Variants in ULK4 observed in about 807,000 individuals in gnomAD.
The protein encoded by ULK4 is inactive serine/threonine-protein kinase ULK4.
A neutral mutation model predicts 160.6 loss-of-function variants in ULK4; 133 were observed. The ratio of observed to expected loss-of-function variants is 0.83; its 90% CI spans 0.72 to 0.96. The LOEUF (loss-of-function observed/expected upper bound fraction) is 0.96, where lower values mean the gene tolerates loss of function less well. ULK4 is among the 40% of genes least tolerant of loss of function. The pLI is 0.00. For synonymous variants in ULK4, 534 were observed against 539.8 expected (o/e 0.99, Z 0.15); for missense variants, 1,580 against 1,499.5 (o/e 1.05, Z -0.89).
intron 31 of ULK4, among the ~76,000 whole-genome samples, chr3:41,614,460 A>G (rs950649605): frequency 6.6e-6 from 1 of 152,246 alleles, no homozygotes; most frequent in African/African-American, 2.4e-5. Context: ...AGATACACAT[A>G]TCCATATCAC....
chr3:41,748,695 T>C (rs2038505395), intron 22 of ULK4, among the ~76,000 whole-genome samples: 1 of 152,186 alleles, frequency 6.6e-6, no homozygotes, highest in Non-Finnish European at 1.5e-5. Flanking sequence ...AAATTATCAC[T>C]CTTGTAATTT....
chr3:41,348,366 GAACA>G (rs1288195138), intron 35 of ULK4, among the ~76,000 whole-genome samples: 1 of 152,128 alleles, frequency 6.6e-6, no homozygotes, highest in Non-Finnish European at 1.5e-5. Context: ...GTGTACTGGG[GAACA>G]AGGTAAAGGC....
At chr3:41,307,529 C>T (rs768136706) in intron 35 of ULK4, among the ~76,000 whole-genome samples, 1 of 152,116 alleles carries the variant, frequency 6.6e-6, no homozygotes. Context: ...CATCCCCCTA[C>T]AAATAAAGCT....
chr3:41,956,137 G>A (rs1456563370), intron 1 of ULK4, among the ~76,000 whole-genome samples: 1 of 152,218 alleles, frequency 6.6e-6, no homozygotes, highest in Non-Finnish European at 1.5e-5. Context: ...CAATCAGACT[G>A]ATTGGGGCGT....
At chr3:41,864,423 A>AC (rs1233368864) in intron 17 of ULK4, among the ~76,000 whole-genome samples, 3 of 151,866 alleles carry the variant, frequency 2.0e-5, no homozygotes, top group African/African-American at 7.3e-5. Context: ...TGAGATTAAA[A>AC]CCCGGTACTA....
Position 41,869,980 on chromosome 3 carries a change from T to C in ULK4, c.1656+13894A>G, listed in dbSNP as rs577223479. Among the ~76,000 whole-genome samples the C allele has an allele frequency of 3.3e-5, 5 of 152,332 alleles. No individual in the cohort carries two copies. In the South Asian group the frequency reaches 6.2e-4, roughly 19 times the overall value. ...ACAGTATTTTCACAAAATACAGAATTCTGGGATAGCAGATTTTTTTCTTTG... is the reference window on the plus strand; with the variant it reads ...ACAGTATTTTCACAAAATACAGAATCCTGGGATAGCAGATTTTTTTCTTTG... On this transcript the variant is annotated intron_variant, in intron 17 of 36. Transcript: ENST00000301831.
At chr3:41,383,283 G>A (rs763565680) in intron 35 of ULK4, among the ~76,000 whole-genome samples, 1 of 152,016 alleles carries the variant, frequency 6.6e-6, no homozygotes, top group African/African-American at 2.4e-5. Flanking sequence ...ATTTTAAGTG[G>A]AGACAGGTTT....
At chr3:41,924,210 T>C (rs550824611) in intron 5 of ULK4, among the ~76,000 whole-genome samples, 68 of 152,306 alleles carry the variant, frequency 4.5e-4, no homozygotes, top group Middle Eastern at 3.4e-3. Context: ...CCTACTCAAA[T>C]ATGTCAAAAG....
chr3:41,943,496 A>T (rs1047507550), intron 2 of ULK4, among the ~76,000 whole-genome samples: 3 of 152,164 alleles, frequency 2.0e-5, no homozygotes, highest in African/African-American at 7.2e-5. Flanking sequence ...CAGCTACTCA[A>T]GCAGGTAAAG....
chr3:41,455,513 C>T lies in ULK4; in HGVS notation c.3476G>A (p.Ser1159Asn), dbSNP rs1270298735. Residue 1159 changes from serine (S) to asparagine (N), a missense_variant, in exon 34 of 37, where the codon AGC becomes AAC. Transcript: ENST00000301831. ...LLNRPLTDLI[S>N]LLIPLLPNED... ...AGCTCTTACCAGTGGAATGAGCAGG[C>T]TAATCAGGTCTGTCAGAGGTCTGTT... The T allele has an allele frequency of 1.2e-6, 2 of 1,613,978 alleles. No homozygotes were observed. The highest frequency in any genetic ancestry group is 1.1e-5 in the South Asian group (1 of 91,086).
intron 35 of ULK4, among the ~76,000 whole-genome samples, chr3:41,264,176 G>T (rs532342832): frequency 1.3e-5 from 2 of 152,310 alleles, no homozygotes; most frequent in South Asian, 4.1e-4. Context: ...GGCCTGAAGT[G>T]GGAACAGGTG....
At position 41,932,250 on chromosome 3, in the gene ULK4, T is replaced by C. The variant is rs574458522; in HGVS notation, c.379-244A>G. 7.9e-5 allele frequency among the ~76,000 whole-genome samples: 12 copies of C among 152,304 alleles called. No homozygotes were observed. In the East Asian group the frequency reaches 2.1e-3, roughly 27 times the overall value. On this transcript the variant is annotated intron_variant, in intron 4 of 36. Coordinates refer to ENST00000301831, the MANE Select transcript of ULK4 (RefSeq NM_017886.4). ...TAATGAACACATCATATAACCATAG[T>C]GGAAAACTTCAGGTTTGGGGAAAGA...
intron 22 of ULK4, among the ~76,000 whole-genome samples, chr3:41,732,472 A>T (rs1038434337): frequency 6.6e-6 from 1 of 152,090 alleles, no homozygotes; most frequent in Non-Finnish European, 1.5e-5. Context: ...AATAATGACA[A>T]ATATTGGCAT....
At chr3:41,636,147 C>T (rs1410485750) in intron 30 of ULK4, among the ~76,000 whole-genome samples, 1 of 152,138 alleles carries the variant, frequency 6.6e-6, no homozygotes. Context: ...ACATGTATTA[C>T]CATTGCCTAC....
intron 17 of ULK4, chr3:41,859,461 T>G: frequency 1.8e-6 from 1 of 552,238 alleles, no homozygotes; most frequent in East Asian, 4.9e-5. Flanking sequence ...AGCAGAAACC[T>G]GGACAGGTCA....
chr3:41,636,032 C>A (rs1049239967), intron 30 of ULK4, among the ~76,000 whole-genome samples: 2 of 152,128 alleles, frequency 1.3e-5, no homozygotes, highest in Non-Finnish European at 2.9e-5. Flanking sequence ...ACAAAATAAA[C>A]CTAGTGGGGT....
At chr3:41,799,349 G>C (rs753600175) in intron 20 of ULK4, among the ~76,000 whole-genome samples, 40 of 152,108 alleles carry the variant, frequency 2.6e-4, no homozygotes, top group Admixed American at 2.4e-3. Flanking sequence ...CGTTATTATA[G>C]CCATGTGAGT....
intron 35 of ULK4, among the ~76,000 whole-genome samples, chr3:41,332,278 C>T (rs1319069309): frequency 2.6e-5 from 4 of 151,940 alleles, no homozygotes; most frequent in Admixed American, 6.6e-5. Flanking sequence ...CCAAAAGCAC[C>T]GATTATAAAG....
intron 32 of ULK4, among the ~76,000 whole-genome samples, chr3:41,512,982 T>G (rs1433622536): frequency 1.2e-5 from 1 of 85,960 alleles, no homozygotes; most frequent in African/African-American, 3.4e-5. Context: ...AAATACTTAC[T>G]GTTAGTAACT....
Sources: gnomAD v4.1 joint callset for allele counts (sites outside exome capture counted in the v4.1 genomes callset) on GRCh38, gnomAD v4.1.1 for gene constraint, MANE v1.5 for transcripts, NCBI Gene and HGNC (gene_info 2026-07-23, HGNC 2026-07-21) for gene names.